The following ABHD6 variants were observed in gnomAD, a reference collection of about 807,000 sequenced individuals.
ABHD6 encodes the protein abhydrolase domain containing 6, acylglycerol lipase.
In ABHD6, 33 loss-of-function variants were observed where a neutral mutation model predicts 38.8. The observed-to-expected ratio is 0.85, with a 90% CI of 0.64 to 1.14. The LOEUF is 1.14. Among genes scored for constraint, ABHD6 ranks in the 50% most tolerant of loss-of-function variants. The pLI, the probability that ABHD6 is intolerant of heterozygous loss-of-function variation, is 0.00. For missense variants in ABHD6, 380 were observed against 422.6 expected, an observed-to-expected ratio of 0.90 and a Z score of 0.88; for synonymous variants, 147 against 161.6, an observed-to-expected ratio of 0.91 and a Z score of 0.69.
At chr3:58,240,399 G>GA (rs2097421982) in intron 1 of ABHD6, among the ~76,000 whole-genome samples, 1 of 151,426 alleles carries the variant, frequency 6.6e-6, no homozygotes, top group Non-Finnish European at 1.5e-5. Context: ...TACTTTTTAT[G>GA]AAACTCCTGG....
At position 58,249,025 on chromosome 3, in the gene ABHD6, T is replaced by C. The variant is rs866718635; in HGVS notation, c.-90-853T>C. On this transcript the variant is annotated intron_variant, in intron 1 of 9. Transcript: ENST00000478253. ...TAAATTATCTGTTCAGATCATTTGC[T>C]CATTTTTCTATTAGGTTTTGTTGTT... Among the ~76,000 whole-genome samples the C allele has an allele frequency of 2.6e-5, 4 of 152,364 alleles. No homozygotes were observed. In the Middle Eastern group the frequency reaches 0.014, roughly 518 times the overall value.
Position 58,269,276 on chromosome 3 carries a change from G to A in ABHD6, c.277-45G>A. On this transcript the variant is annotated intron_variant, in intron 4 of 9. Transcript: ENST00000478253. The surrounding 1 kb of genome is among the most constrained non-coding windows in gnomAD (Gnocchi z 4.4). ...ACCTCCCAAGAAAATGGGCAGACAT[G>A]TTTTGCACACCACATACTGACTCTC... 1 of 1,497,494 alleles carries A rather than the reference G, an allele frequency of 6.7e-7. No individual in the cohort carries two copies. The highest frequency in any genetic ancestry group is 9.3e-7 in the Non-Finnish European group (1 of 1,077,244). 92.8% of individuals were successfully genotyped at this position (1,497,494 alleles called of 1,614,324 possible).
chr3:58,264,847 A>G (rs7648190), intron 3 of ABHD6, among the ~76,000 whole-genome samples: 17,588 of 152,164 alleles, frequency 0.12, 1,287 homozygotes, highest in African/African-American at 0.2. Context: ...TGAAATAAGC[A>G]CATCATGGAG....
rs142657607 is a variant in ABHD6, at chr3:58,263,611, G to A, written c.120-3578G>A. On this transcript the variant is annotated intron_variant, in intron 3 of 9. Coordinates refer to ENST00000478253, the MANE Select transcript of ABHD6 (RefSeq NM_001320126.2). This position sits in a 1 kb window ranked among gnomAD's most constrained non-coding sequence, Gnocchi z 4.9. ...GTTCAAGTCATACTTGGCTCTCCCC[G>A]AGGCCCTTGCCTCTGCTGTCTCTAC... Among the ~76,000 whole-genome samples, 69 of 152,220 alleles carry A rather than the reference G, an allele frequency of 4.5e-4. No homozygotes were observed. In the East Asian group the frequency reaches 0.011, roughly 25 times the overall value.
chr3:58,280,993 G>C (rs1466262084), intron 7 of ABHD6, among the ~76,000 whole-genome samples: 2 of 152,140 alleles, frequency 1.3e-5, no homozygotes, highest in African/African-American at 4.8e-5. Flanking sequence ...GCACCCGGCC[G>C]TATGAGGTGT....
chr3:58,270,503 CAAAAAAA>C lies in ABHD6; in HGVS notation c.391-414_391-408del, dbSNP rs768619665. ...ACAATATGGTGAAACCTCATCTCTA[CAAAAAAA>C]AAAAAAAAAAAAAATCAGCCAGATG... is the stretch of plus-strand genomic sequence containing the variant. On this transcript the variant is annotated intron_variant, in intron 5 of 9. Coordinates refer to ENST00000478253, the MANE Select transcript of ABHD6 (RefSeq NM_001320126.2). Among the ~76,000 whole-genome samples the C allele has an allele frequency of 2.0e-4, 12 of 60,648 alleles. No individual in the cohort carries two copies. The East Asian group carries it at 2.3e-3, about 12-fold the overall frequency. 39.8% of individuals were successfully genotyped at this position (60,648 alleles called of 152,430 possible).
rs1310483533 is a variant in ABHD6, at chr3:58,267,379, A to G, written c.276+34A>G. 3 of 1,612,284 alleles carry G rather than the reference A, an allele frequency of 1.9e-6. No individual in the cohort carries two copies. The highest frequency in any genetic ancestry group is 1.7e-6 in the Non-Finnish European group (2 of 1,179,164). On this transcript the variant is annotated intron_variant, in intron 4 of 9. Transcript: ENST00000478253. This position sits in a 1 kb window ranked among gnomAD's most constrained non-coding sequence, Gnocchi z 4.3. ...CTCGATTCTTCTCTCTTATAAGAAA[A>G]GGGAGTTGGGTGCTGTGGCTCATGC...
At chr3:58,272,341 G>A (rs907005531) in intron 6 of ABHD6, among the ~76,000 whole-genome samples, 2 of 152,178 alleles carry the variant, frequency 1.3e-5, no homozygotes, top group Non-Finnish European at 1.5e-5. Flanking sequence ...ATGTTTGGAA[G>A]TCCTTGCATA....
chr3:58,244,943 G>A (rs189236390), intron 1 of ABHD6, among the ~76,000 whole-genome samples: 3 of 151,890 alleles, frequency 2.0e-5, no homozygotes, highest in Non-Finnish European at 4.4e-5. Flanking sequence ...CTTTTTTCTG[G>A]TGTTTATCTT....
At chr3:58,261,004 TTCAACATGAG>T (rs2107442620) in intron 3 of ABHD6, among the ~76,000 whole-genome samples, 1 of 152,250 alleles carries the variant, frequency 6.6e-6, no homozygotes, top group Non-Finnish European at 1.5e-5. Flanking sequence ...TACCAAATGC[TTCAACATGAG>T]TCAACAGAGA....
Position 58,285,198 on chromosome 3 carries a change from G to A in ABHD6, c.736+59G>A, listed in dbSNP as rs909345341. On this transcript the variant is annotated intron_variant, in intron 8 of 9. Transcript: ENST00000478253. This position sits in a 1 kb window ranked among gnomAD's most constrained non-coding sequence, Gnocchi z 4.9. ...ACAAGTGAAGCTCTGTGGATGGATG[G>A]CTTTTATTTCTTAAATCTCTGACAC... 2 of 1,575,320 alleles carry A rather than the reference G, an allele frequency of 1.3e-6. No individual in the cohort carries two copies.
At chr3:58,291,157 A>C (rs1425436465) in intron 9 of ABHD6, among the ~76,000 whole-genome samples, 1 of 150,870 alleles carries the variant, frequency 6.6e-6, no homozygotes, top group Non-Finnish European at 1.5e-5. Flanking sequence ...CTGGCGGATC[A>C]CTCGCGGTTA....
At chr3:58,284,244 G>A (rs1026763836) in intron 7 of ABHD6, among the ~76,000 whole-genome samples, 2 of 152,166 alleles carry the variant, frequency 1.3e-5, no homozygotes, top group African/African-American at 4.8e-5. Flanking sequence ...CCCTCAGCAG[G>A]GAAGGCAAAG....
At chr3:58,260,093 G>C (rs1227845241) in intron 3 of ABHD6, among the ~76,000 whole-genome samples, 2 of 152,188 alleles carry the variant, frequency 1.3e-5, no homozygotes, top group Non-Finnish European at 2.9e-5. Flanking sequence ...TCTGTTGATG[G>C]ACACTTGGGT....
At chr3:58,277,692 T>C (rs1049459946) in intron 7 of ABHD6, among the ~76,000 whole-genome samples, 1 of 152,206 alleles carries the variant, frequency 6.6e-6, no homozygotes, top group African/African-American at 2.4e-5. Context: ...TGTTCCAGTT[T>C]TCAAAGGGAA....
In ABHD6 at chr3:58,256,402, T is replaced by C. The variant is rs1030296791; in HGVS notation, c.-25-160T>C. Among the ~76,000 whole-genome samples the C allele has an allele frequency of 2.6e-5, 4 of 152,218 alleles. No individual in the cohort carries two copies. Among genetic ancestry groups the C allele is most frequent in the African/African-American group, 9.6e-5 (4 of 41,452 alleles). ...AAAAGTTCCTCATTACTTTTAGTTG[T>C]CATGTCTATTTGGTTTTTTGTAAAG... On this transcript the variant is annotated intron_variant, in intron 2 of 9. Transcript: ENST00000478253. The surrounding 1 kb of genome is among the most constrained non-coding windows in gnomAD (Gnocchi z 4.3).
chr3:58,269,450 T>G lies in ABHD6; in HGVS notation c.390+16T>G. ...GATACACCAGGTAAGCAGGAGGCTC[T>G]ACCAAAGATTGCCCAGACTGTCTCA... On this transcript the variant is annotated intron_variant, in intron 5 of 9. Transcript: ENST00000478253. This position sits in a 1 kb window ranked among gnomAD's most constrained non-coding sequence, Gnocchi z 4.4. The G allele has an allele frequency of 2.3e-5, 37 of 1,589,244 alleles. No homozygotes were observed. The highest frequency in any genetic ancestry group is 2.8e-5 in the Non-Finnish European group (32 of 1,158,542).
Position 58,254,851 on chromosome 3 carries a change from TACACACACACAC to T in ABHD6, c.-25-1689_-25-1678del, listed in dbSNP as rs58771259. On this transcript the variant is annotated intron_variant, in intron 2 of 9. Transcript: ENST00000478253. Reference sequence around the variant, plus strand: ...GTGTGTATATACATATATATGTGTATACACACACACACACACACACACACACACACACATATA... The same window carrying T: ...GTGTGTATATACATATATATGTGTATACACACACACACACACACACATATA... Among the ~76,000 whole-genome samples the T allele has an allele frequency of 6.1e-5, 9 of 146,932 alleles. No homozygotes were observed. The South Asian group carries it at 1.1e-3, about 18-fold the overall frequency.
intron 1 of ABHD6, among the ~76,000 whole-genome samples, chr3:58,239,152 T>C (rs1256587484): frequency 3.4e-5 from 5 of 145,652 alleles, no homozygotes; most frequent in African/African-American, 1.3e-4. Context: ...ACCACTAGAC[T>C]TTTTACCCAA....
Sources: gnomAD v4.1 joint callset for allele counts (sites outside exome capture counted in the v4.1 genomes callset) on GRCh38, gnomAD v4.1.1 for gene constraint, Gnocchi (gnomAD v3.1) non-coding constraint, MANE v1.5 for transcripts, NCBI Gene and HGNC (gene_info 2026-07-23, HGNC 2026-07-21) for gene names.